DLGAP2: variants seen among roughly 807,000 people sequenced by gnomAD.
The protein encoded by DLGAP2 is disks large-associated protein 2.
Under a neutral mutation model 100.3 loss-of-function variants are expected in DLGAP2, and 26 were observed. The ratio of observed to expected loss-of-function variants is 0.26; its 90% confidence interval spans 0.19 to 0.36. The LOEUF (loss-of-function observed/expected upper bound fraction) is 0.36, where lower values mean the gene tolerates loss of function less well. DLGAP2 is among the 10% of genes least tolerant of loss of function. The probability of loss-of-function intolerance (pLI) is 1.00; values close to 1 mark genes in which losing one functional copy is unlikely to be tolerated. For synonymous variants in DLGAP2, 886 were observed against 630.1 expected, an observed-to-expected ratio of 1.41 and a Z score of -6.08; for missense variants, 1,858 against 1,453.2, an observed-to-expected ratio of 1.28 and a Z score of -4.53.
At chr8:1,025,520 T>C (rs1490799059) in intron 2 of DLGAP2, among the ~76,000 whole-genome samples, 1 of 152,132 alleles carries the variant, frequency 6.6e-6, no homozygotes, top group Admixed American at 6.6e-5. Context: ...GTTACCAGAA[T>C]AGTTAAGTCA....
chr8:1,165,941 T>A (rs1246278798), intron 2 of DLGAP2, among the ~76,000 whole-genome samples: 1 of 152,240 alleles, frequency 6.6e-6, no homozygotes, highest in African/African-American at 2.4e-5. Flanking sequence ...TTTTAACCAT[T>A]ATCCAGTTTC....
chr8:773,447 C>G (rs1475266487), intron 1 of DLGAP2, among the ~76,000 whole-genome samples: 1 of 151,710 alleles, frequency 6.6e-6, no homozygotes, highest in Non-Finnish European at 1.5e-5. Context: ...GCTGCACTCA[C>G]TAACTCGTCA....
At chr8:752,325 T>C (rs1820812370) in intron 1 of DLGAP2, among the ~76,000 whole-genome samples, 1 of 152,174 alleles carries the variant, frequency 6.6e-6, no homozygotes, top group African/African-American at 2.4e-5. Flanking sequence ...TGCACGTTGC[T>C]CAATGCTCAT....
intron 1 of DLGAP2, among the ~76,000 whole-genome samples, chr8:891,087 G>C (rs1054588123): frequency 2.0e-5 from 3 of 151,966 alleles, no homozygotes; most frequent in Non-Finnish European, 4.4e-5. Context: ...TCCCTTGGGG[G>C]GTGCTTTTCA....
intron 2 of DLGAP2, among the ~76,000 whole-genome samples, chr8:1,001,558 G>A (rs772032336): frequency 2.6e-5 from 4 of 152,124 alleles, no homozygotes; most frequent in South Asian, 2.1e-4. Context: ...AACCTCAAAC[G>A]AAAGTTACGG....
chr8:1,284,033 C>G (rs1320617939), intron 3 of DLGAP2, among the ~76,000 whole-genome samples: 1 of 152,198 alleles, frequency 6.6e-6, no homozygotes, highest in African/African-American at 2.4e-5. Context: ...TCCAAATTTT[C>G]TATGACAAGT....
intron 2 of DLGAP2, among the ~76,000 whole-genome samples, chr8:1,210,462 G>A (rs1032830227): frequency 1.3e-5 from 2 of 152,228 alleles, no homozygotes; most frequent in African/African-American, 4.8e-5. Context: ...AGGAGTGTGT[G>A]GGGGGAAGGA....
At position 1,628,436 on chromosome 8, in the gene DLGAP2, G is replaced by C. The variant is rs113827353; in HGVS notation, c.1590+1549G>C. Among the ~76,000 whole-genome samples, 584 of 71,732 alleles carry C rather than the reference G, an allele frequency of 8.1e-3. 21 individuals carry two copies. The highest frequency in any genetic ancestry group is 0.031 in the African/African-American group (463 of 15,168). 47.1% of individuals were successfully genotyped at this position (71,732 alleles called of 152,430 possible). On this transcript the variant is annotated intron_variant, in intron 7 of 14. Coordinates refer to ENST00000637795, the MANE Select transcript of DLGAP2 (RefSeq NM_001346810.2). Reference sequence around the variant, plus strand: ...AGAGCTTGAGCCGACCTCACATTCTGTCTGACTTACTGTGGAGCAGGAATT... The same window carrying C: ...AGAGCTTGAGCCGACCTCACATTCTCTCTGACTTACTGTGGAGCAGGAATT...
chr8:1,505,526 G>T (rs1799876026), intron 4 of DLGAP2, among the ~76,000 whole-genome samples: 1 of 152,174 alleles, frequency 6.6e-6, no homozygotes, highest in East Asian at 1.9e-4. Flanking sequence ...CCTCTTAAGA[G>T]CATTTGCGTT....
intron 2 of DLGAP2, among the ~76,000 whole-genome samples, chr8:1,056,731 G>A (rs1447622665): frequency 1.3e-5 from 2 of 152,236 alleles, no homozygotes; most frequent in Non-Finnish European, 2.9e-5. Context: ...GACCCTGCCA[G>A]ATCATCGCTC....
chr8:1,690,473 G>C (rs956895050), intron 12 of DLGAP2, among the ~76,000 whole-genome samples: 1 of 151,850 alleles, frequency 6.6e-6, no homozygotes, highest in Non-Finnish European at 1.5e-5. Context: ...GGGAGGCTGA[G>C]ATGGGTGGAT....
At chr8:1,100,986 T>C (rs904729268) in intron 2 of DLGAP2, among the ~76,000 whole-genome samples, 3 of 152,120 alleles carry the variant, frequency 2.0e-5, no homozygotes, top group Non-Finnish European at 2.9e-5. Context: ...TCACCTGCAG[T>C]GATTGGGAGG....
chr8:1,130,924 C>T (rs560338343), intron 2 of DLGAP2, among the ~76,000 whole-genome samples: 49 of 152,136 alleles, frequency 3.2e-4, no homozygotes, highest in African/African-American at 1.2e-3. Context: ...GACGGGCCTC[C>T]CTGATGAGGG....
intron 4 of DLGAP2, among the ~76,000 whole-genome samples, chr8:1,509,095 G>C (rs1037081420): frequency 6.6e-6 from 1 of 152,088 alleles, no homozygotes; most frequent in Non-Finnish European, 1.5e-5. Flanking sequence ...CACTTTGGGA[G>C]GCCGAGGCGG....
chr8:773,855 A>G (rs1390563673), intron 1 of DLGAP2, among the ~76,000 whole-genome samples: 4 of 152,150 alleles, frequency 2.6e-5, no homozygotes, highest in Non-Finnish European at 4.4e-5. Context: ...TCCTTTGGGT[A>G]TATACCCAGT....
intron 12 of DLGAP2, among the ~76,000 whole-genome samples, chr8:1,689,129 A>G (rs1196521700): frequency 7.9e-5 from 12 of 152,162 alleles, no homozygotes; most frequent in Admixed American, 7.9e-4. Flanking sequence ...CTACACGAGG[A>G]TTGGGTTCAC....
intron 1 of DLGAP2, among the ~76,000 whole-genome samples, chr8:860,516 G>A (rs1797368670): frequency 6.6e-6 from 1 of 152,208 alleles, no homozygotes; most frequent in African/African-American, 2.4e-5. Context: ...GAATGGGAAG[G>A]GTGGACGCCT....
intron 2 of DLGAP2, among the ~76,000 whole-genome samples, chr8:981,492 G>A (rs1020371902): frequency 6.6e-6 from 1 of 152,120 alleles, no homozygotes; most frequent in Non-Finnish European, 1.5e-5. Context: ...AACCTTTTAA[G>A]GAATAGTCAA....
Position 1,383,383 on chromosome 8 carries a change from G to C in DLGAP2, c.107-117983G>C, listed in dbSNP as rs371240945. Among the ~76,000 whole-genome samples the C allele has an allele frequency of 3.4e-4, 52 of 152,350 alleles. 1 individual carries two copies. Among genetic ancestry groups the C allele is most frequent in the African/African-American group, 1.2e-3 (48 of 41,572 alleles). ...AACATAAAGGGCAGCAATCCTGAAT[G>C]AGAAATGCATTAATAATCTCAGACT... is the stretch of plus-strand genomic sequence containing the variant. On this transcript the variant is annotated intron_variant, in intron 3 of 14. Coordinates refer to ENST00000637795, the MANE Select transcript of DLGAP2 (RefSeq NM_001346810.2).
Sources: gnomAD v4.1 joint callset for allele counts (sites outside exome capture counted in the v4.1 genomes callset) on GRCh38, gnomAD v4.1.1 for gene constraint, MANE v1.5 for transcripts, NCBI Gene and HGNC (gene_info 2026-07-23, HGNC 2026-07-21) for gene names.